Variants in TIAM1 observed in about 807,000 individuals in gnomAD.
TIAM1 encodes rho guanine nucleotide exchange factor TIAM1.
In TIAM1, 65 loss-of-function variants were observed where a neutral mutation model predicts 163.5. The observed-to-expected ratio is 0.40, with a 90% confidence interval of 0.33 to 0.49. The LOEUF (loss-of-function observed/expected upper bound fraction) is 0.49. Ranked by LOEUF, TIAM1 falls within the 20% of genes least tolerant of loss-of-function variation. The pLI, the probability that TIAM1 is intolerant of heterozygous loss-of-function variation, is 0.77. For synonymous variants in TIAM1, 833 were observed against 810.1 expected, an observed-to-expected ratio of 1.03 and a Z score of -0.48; for missense variants, 1,789 against 2,044.7, an observed-to-expected ratio of 0.87 and a Z score of 2.41.
chr21:31,124,923 A>G (rs147808089), intron 26 of TIAM1, among the ~76,000 whole-genome samples: 2 of 152,346 alleles, frequency 1.3e-5, no homozygotes, highest in East Asian at 1.9e-4. Context: ...TGTGGGGCAG[A>G]GTAGCCCATT....
At chr21:31,557,007 C>T (rs920402491) in intron 1 of TIAM1, among the ~76,000 whole-genome samples, 4 of 152,248 alleles carry the variant, frequency 2.6e-5, no homozygotes, top group Admixed American at 6.5e-5. Flanking sequence ...AAACCTCCCT[C>T]CTTCCTGGAC....
chr21:31,124,438 A>C (rs1328937554), intron 27 of TIAM1, 84 bp downstream of exon 27: 1 of 1,564,550 alleles, frequency 6.4e-7, no homozygotes, highest in African/African-American at 1.4e-5. Context: ...CCTCACCCCC[A>C]CTCAACAAGG....
intron 1 of TIAM1, among the ~76,000 whole-genome samples, chr21:31,524,504 T>C (rs974423065): frequency 2.0e-5 from 3 of 152,188 alleles, no homozygotes; most frequent in African/African-American, 7.2e-5. Flanking sequence ...TATTAGCTAG[T>C]GAATCCCAGA....
At chr21:31,249,556 C>T (rs1016751159) in intron 5 of TIAM1, among the ~76,000 whole-genome samples, 1 of 152,116 alleles carries the variant, frequency 6.6e-6, no homozygotes, top group Non-Finnish European at 1.5e-5. Context: ...GAACTTGGCA[C>T]TAATTAATAA....
rs1196986442 is a variant in TIAM1, at chr21:31,182,449, G to A, written c.2859C>T (p.Ser953=). 1.9e-6 allele frequency: 3 copies of A among 1,594,098 alleles called. No homozygotes were observed. The highest frequency in any genetic ancestry group is 1.8e-5 in the Admixed American group (1 of 56,726). Residue 953 remains serine, a synonymous_variant, in exon 15 of 28, where the codon AGC becomes AGT. Transcript: ENST00000541036. ...RVDGPADLGE[S]PLAFLTSNPG... is the part of the protein sequence containing the mutation. ...GGTTGCTGGTGAGAAAGGCGAGGGG[G>A]CTCTCGCCAAGGTCGGCAGGGCCGT...
intron 15 of TIAM1, among the ~76,000 whole-genome samples, chr21:31,180,607 T>C (rs1052805013): frequency 3.3e-5 from 5 of 152,370 alleles, no homozygotes; most frequent in Non-Finnish European, 5.9e-5. Flanking sequence ...CTGTTGCTTA[T>C]AGCACATATG....
intron 2 of TIAM1, among the ~76,000 whole-genome samples, chr21:31,355,402 G>A (rs1221826557): frequency 1.3e-5 from 2 of 152,116 alleles, no homozygotes; most frequent in Non-Finnish European, 2.9e-5. Flanking sequence ...TAGACTTGAG[G>A]TCTTTGTTCA....
At chr21:31,358,588 C>T (rs778543205) in intron 2 of TIAM1, among the ~76,000 whole-genome samples, 2 of 152,114 alleles carry the variant, frequency 1.3e-5, no homozygotes, top group Non-Finnish European at 2.9e-5. Context: ...ATACTTGGTG[C>T]CATACTTGCC....
intron 8 of TIAM1, among the ~76,000 whole-genome samples, chr21:31,218,370 C>T (rs1032122514): frequency 6.6e-6 from 1 of 152,076 alleles, no homozygotes; most frequent in Non-Finnish European, 1.5e-5. Flanking sequence ...GAGTTCGAGA[C>T]CAGCCTGGCC....
At chr21:31,402,777 G>A (rs761206456) in intron 2 of TIAM1, among the ~76,000 whole-genome samples, 2 of 151,768 alleles carry the variant, frequency 1.3e-5, no homozygotes, top group African/African-American at 4.8e-5. Flanking sequence ...GTGAAACCCC[G>A]TCTCTACTAA....
Position 31,141,397 on chromosome 21 carries a change from T to G in TIAM1, c.3583A>C (p.Lys1195Gln), listed in dbSNP as rs1163064509. Reference sequence around the variant, plus strand: ...AGCTCCCTGAGCAGAAGTGGGTACTTGAGGATCCTCTGGATGGGCTTGATG... The same window carrying G: ...AGCTCCCTGAGCAGAAGTGGGTACTGGAGGATCCTCTGGATGGGCTTGATG... ...YLIKPIQRIL[K>Q]YPLLLRELFA... Residue 1195 changes from lysine to glutamine, a missense_variant, in exon 21 of 28, where the codon AAG becomes CAG. By Grantham distance (53) the Lys-to-Gln change is moderately conservative. This residue lies in a region of TIAM1 where 60 missense variants were observed against 132.6 expected (regional missense o/e 0.45). Transcript: ENST00000541036. This position sits in a 1 kb window ranked among gnomAD's most constrained non-coding sequence, Gnocchi z 4.7. 1 of 1,614,222 alleles carries G rather than the reference T, an allele frequency of 6.2e-7. No homozygotes were observed. Among genetic ancestry groups the G allele is most frequent in the Non-Finnish European group, 8.5e-7 (1 of 1,180,044 alleles).
chr21:31,405,718 C>A (rs917650293), intron 2 of TIAM1, among the ~76,000 whole-genome samples: 1 of 152,094 alleles, frequency 6.6e-6, no homozygotes, highest in East Asian at 1.9e-4. Flanking sequence ...AGGAACAGCA[C>A]GGGAAAGCCC....
At chr21:31,232,253 TTTAACTA>T (rs909064973) in intron 6 of TIAM1, among the ~76,000 whole-genome samples, 8 of 152,162 alleles carry the variant, frequency 5.3e-5, no homozygotes, top group African/African-American at 1.7e-4. Context: ...CATCAGCCCT[TTTAACTA>T]TTAAGTATGC....
At chr21:31,241,925 G>A (rs1055735894) in intron 6 of TIAM1, among the ~76,000 whole-genome samples, 1 of 152,112 alleles carries the variant, frequency 6.6e-6, no homozygotes, top group Non-Finnish European at 1.5e-5. Context: ...TGGGAAGATT[G>A]CTTGAGTCCA....
At chr21:31,501,083 T>TC (rs923250312) in intron 1 of TIAM1, among the ~76,000 whole-genome samples, 2 of 152,124 alleles carry the variant, frequency 1.3e-5, no homozygotes, top group African/African-American at 2.4e-5. Flanking sequence ...TCTTTTTTTT[T>TC]CCCTCTCTCC....
chr21:31,162,702 C>T (rs977642136), intron 16 of TIAM1, among the ~76,000 whole-genome samples: 8 of 149,136 alleles, frequency 5.4e-5, no homozygotes, highest in South Asian at 2.1e-4. Context: ...AGTGCAGTGG[C>T]GCGATCTTGA....
intron 16 of TIAM1, among the ~76,000 whole-genome samples, chr21:31,155,183 A>G (rs1337009008): frequency 6.6e-6 from 1 of 152,204 alleles, no homozygotes; most frequent in African/African-American, 2.4e-5. Context: ...TCCATTTGAA[A>G]CGTAGGATTC....
At chr21:31,337,604 T>C (rs2075886018) in intron 2 of TIAM1, among the ~76,000 whole-genome samples, 1 of 151,746 alleles carries the variant, frequency 6.6e-6, no homozygotes, top group Non-Finnish European at 1.5e-5. Flanking sequence ...TGATCTCAGT[T>C]CACTGCAACC....
At chr21:31,251,547 TA>T (rs2146746262) in intron 5 of TIAM1, among the ~76,000 whole-genome samples, 194 bp downstream of exon 5, 1 of 152,304 alleles carries the variant, frequency 6.6e-6, no homozygotes, top group South Asian at 2.1e-4. Flanking sequence ...GATAATGCCA[TA>T]TTGCACATTT....
Sources: gnomAD v4.1 joint callset for allele counts (sites outside exome capture counted in the v4.1 genomes callset) on GRCh38, gnomAD v4.1.1 for gene constraint, gnomAD v4.1.1 regional missense constraint, Gnocchi (gnomAD v3.1) non-coding constraint, MANE v1.5 for transcripts, NCBI Gene and HGNC (gene_info 2026-07-23, HGNC 2026-07-21) for gene names.